Variants in IMMP2L observed in about 807,000 individuals in gnomAD.
IMMP2L encodes mitochondrial inner membrane protease subunit 2.
A neutral mutation model predicts 19.3 loss-of-function variants in IMMP2L; 18 were observed. The observed-to-expected ratio is 0.93, with a 90% CI of 0.64 to 1.38. The LOEUF (loss-of-function observed/expected upper bound fraction) is 1.38, where lower values mean the gene tolerates loss of function less well. Ranked by LOEUF, IMMP2L falls within the 40% of genes most tolerant of loss-of-function variation. IMMP2L has a pLI of 0.00. For missense variants in IMMP2L, 233 were observed against 218.2 expected, an observed-to-expected ratio of 1.07 and a Z score of -0.43; for synonymous variants, 76 against 73.0, an observed-to-expected ratio of 1.04 and a Z score of -0.21.
chr7:111,219,388 A>T (rs1812285877), intron 3 of IMMP2L, among the ~76,000 whole-genome samples: 1 of 152,004 alleles, frequency 6.6e-6, no homozygotes, highest in African/African-American at 2.4e-5. Context: ...AATCTCTGGA[A>T]ATAAGGCCTA....
chr7:111,293,638 C>T (rs990110381), intron 3 of IMMP2L, among the ~76,000 whole-genome samples: 18 of 151,862 alleles, frequency 1.2e-4, no homozygotes, highest in African/African-American at 4.4e-4. Context: ...AAAAAACTTT[C>T]CATGTATTAG....
chr7:110,912,118 G>A (rs1469177804), intron 4 of IMMP2L, among the ~76,000 whole-genome samples: 1 of 151,468 alleles, frequency 6.6e-6, no homozygotes, highest in Non-Finnish European at 1.5e-5. Context: ...ACAAACCTAA[G>A]ACAAAAAAAA....
At chr7:110,996,965 C>T (rs182126440) in intron 3 of IMMP2L, among the ~76,000 whole-genome samples, 25 of 151,780 alleles carry the variant, frequency 1.6e-4, no homozygotes, top group African/African-American at 6.0e-4. Context: ...ATTCATGTAC[C>T]ACCAATGTGC....
chr7:110,665,444 T>C (rs951879308), intron 5 of IMMP2L, among the ~76,000 whole-genome samples: 1 of 152,242 alleles, frequency 6.6e-6, no homozygotes, highest in Non-Finnish European at 1.5e-5. Flanking sequence ...TTAATGTAGA[T>C]ACAATATTAC....
At position 111,018,006 on chromosome 7, in the gene IMMP2L, A is replaced by C. The variant is rs141128376; in HGVS notation, c.240-54441T>G. Among the ~76,000 whole-genome samples the C allele has an allele frequency of 1.9e-3, 284 of 152,342 alleles. 1 individual carries two copies. The highest frequency in any genetic ancestry group is 5.7e-3 in the African/African-American group (236 of 41,584). On this transcript the variant is annotated intron_variant, in intron 3 of 5. Transcript: ENST00000405709. Reference sequence around the variant, plus strand: ...CTTGGAAAATGAAAGCAATGGATATATTTAGTGCATTTGGGCTCTAATATA... The same window carrying C: ...CTTGGAAAATGAAAGCAATGGATATCTTTAGTGCATTTGGGCTCTAATATA...
At chr7:110,670,709 A>C (rs78352910) in intron 5 of IMMP2L, among the ~76,000 whole-genome samples, 2,717 of 144,598 alleles carry the variant, frequency 0.019, 86 homozygotes, top group African/African-American at 0.062. Context: ...AAAAAACAAA[A>C]AAAACAAAAA....
Position 111,487,339 on chromosome 7 carries a change from A to C in IMMP2L, c.138T>G (p.Pro46=). The change falls in exon 3 of 6, where the codon CCT becomes CCG. Residue 46 remains proline, a splice_region_variant and synonymous_variant. Transcript: ENST00000405709. ...VARVEGASMQ[P]SLNPGGSQSS... ...ACTGGCTCCCCCCAGGATTCAAAGA[A>C]GGCTAGAAAATAAGGAGAAAGAGAC... The C allele has an allele frequency of 6.3e-7, 1 of 1,581,934 alleles. No individual in the cohort carries two copies. The highest frequency in any genetic ancestry group is 8.7e-7 in the Non-Finnish European group (1 of 1,150,842).
At chr7:111,023,633 G>T (rs1826517169) in intron 3 of IMMP2L, among the ~76,000 whole-genome samples, 1 of 152,092 alleles carries the variant, frequency 6.6e-6, no homozygotes, top group African/African-American at 2.4e-5. Context: ...CTTGAACCTG[G>T]GAGGCAGAGG....
chr7:111,219,688 C>T lies in IMMP2L; in HGVS notation c.240-256123G>A, dbSNP rs543983329. On this transcript the variant is annotated intron_variant, in intron 3 of 5. Transcript: ENST00000405709. The stretch of plus-strand genomic sequence containing the variant: ...CTTAGCTGTCAGTATTCTATGATCT[C>T]AAATCACTGTTTGGTTGAATCAAAT... Among the ~76,000 whole-genome samples, 12 of 152,020 alleles carry T rather than the reference C, an allele frequency of 7.9e-5. No individual in the cohort carries two copies. In the South Asian group the frequency reaches 2.5e-3, roughly 32 times the overall value.
At chr7:111,559,465 T>C (rs1348285704) in intron 1 of IMMP2L, among the ~76,000 whole-genome samples, 4 of 152,166 alleles carry the variant, frequency 2.6e-5, no homozygotes, top group Non-Finnish European at 4.4e-5. Context: ...AAACACATTA[T>C]AGAAATTCTT....
chr7:111,402,894 T>C (rs1268114798), intron 3 of IMMP2L, among the ~76,000 whole-genome samples: 2 of 151,848 alleles, frequency 1.3e-5, no homozygotes, highest in African/African-American at 4.8e-5. Flanking sequence ...TTTATGTCTA[T>C]TTACATCTAT....
At chr7:111,108,228 C>T (rs984082999) in intron 3 of IMMP2L, among the ~76,000 whole-genome samples, 5 of 152,110 alleles carry the variant, frequency 3.3e-5, no homozygotes, top group Admixed American at 6.6e-5. Context: ...CACATCAAAC[C>T]AATTTTCTAG....
intron 3 of IMMP2L, among the ~76,000 whole-genome samples, chr7:111,065,350 C>T (rs986009810): frequency 6.6e-6 from 1 of 152,162 alleles, no homozygotes; most frequent in African/African-American, 2.4e-5. Context: ...TTAGACATAA[C>T]TAAGACTTTA....
intron 3 of IMMP2L, among the ~76,000 whole-genome samples, chr7:111,217,118 TC>T (rs1812013591): frequency 6.9e-6 from 1 of 144,372 alleles, no homozygotes; most frequent in Non-Finnish European, 1.5e-5. Context: ...TCTCTCTCTC[TC>T]TCTCTCTCAC....
At chr7:111,524,411 C>T (rs1846639700) in intron 1 of IMMP2L, among the ~76,000 whole-genome samples, 1 of 152,006 alleles carries the variant, frequency 6.6e-6, no homozygotes, top group Non-Finnish European at 1.5e-5. Flanking sequence ...TCCTCTTTGA[C>T]CAGTTTGATA....
chr7:111,503,505 G>C (rs547669360), intron 2 of IMMP2L, among the ~76,000 whole-genome samples: 2 of 152,206 alleles, frequency 1.3e-5, no homozygotes, highest in East Asian at 3.9e-4. Flanking sequence ...AAGCCTGGCA[G>C]AGACACAACA....
chr7:111,087,176 G>T (rs919005829), intron 3 of IMMP2L, among the ~76,000 whole-genome samples: 1 of 152,128 alleles, frequency 6.6e-6, no homozygotes, highest in Admixed American at 6.5e-5. Flanking sequence ...TTTGCCGGGC[G>T]CGGTGGCTCA....
chr7:110,808,419 T>C (rs1801778240), intron 5 of IMMP2L, among the ~76,000 whole-genome samples: 1 of 151,982 alleles, frequency 6.6e-6, no homozygotes. Context: ...TTATTTATTT[T>C]GGGCAGCCCT....
intron 5 of IMMP2L, among the ~76,000 whole-genome samples, chr7:110,737,997 T>C (rs1796748777): frequency 6.6e-6 from 1 of 152,070 alleles, no homozygotes; most frequent in Non-Finnish European, 1.5e-5. Flanking sequence ...TCCCCATTCA[T>C]AGGGGAAGGG....
Sources: allele counts gnomAD v4.1 joint callset (sites outside exome capture counted in the v4.1 genomes callset), GRCh38; gene constraint gnomAD v4.1.1; transcripts MANE v1.5; gene names NCBI Gene and HGNC (gene_info 2026-07-23, HGNC 2026-07-21).